The following RYR3 variants were observed in gnomAD, a reference collection of about 807,000 sequenced individuals.
RYR3 encodes brain ryanodine receptor-calcium release channel.
Under a neutral mutation model 584.3 loss-of-function variants are expected in RYR3, and 207 were observed. That is an observed-to-expected ratio of 0.35 (90% CI 0.32 to 0.40). RYR3 has a LOEUF of 0.40. RYR3 is among the 10% of genes least tolerant of loss of function. The pLI is 1.00. For missense variants in RYR3, 5,616 were observed against 6,089.2 expected (o/e 0.92, Z 2.59); for synonymous variants, 2,416 against 2,248.5 (o/e 1.07, Z -2.11).
chr15:33,540,569 CAT>C lies in RYR3; in HGVS notation c.547-221_547-220del, dbSNP rs1057133731. Among the ~76,000 whole-genome samples the C allele has an allele frequency of 1.2e-4, 19 of 152,290 alleles. No individual in the cohort carries two copies. In the East Asian group the frequency reaches 1.4e-3, roughly 11 times the overall value. On this transcript the variant is annotated intron_variant, in intron 6 of 103. Transcript: ENST00000634891. ...TCCAGCTGAGGGGATGAAGTCAACACATGTCTGCCATCTCTGTAGCTGAATAA... is the reference window on the plus strand; with the variant it reads ...TCCAGCTGAGGGGATGAAGTCAACACGTCTGCCATCTCTGTAGCTGAATAA...
intron 38 of RYR3, among the ~76,000 whole-genome samples, chr15:33,678,189 GAT>G (rs2064316864): frequency 6.6e-6 from 1 of 152,156 alleles, no homozygotes; most frequent in Non-Finnish European, 1.5e-5. Flanking sequence ...TATACTATTT[GAT>G]ATGGTTTGGC....
intron 48 of RYR3, 66 bp from the exon 49 acceptor site, chr15:33,736,169 C>A (rs2069442117): frequency 1.9e-6 from 2 of 1,061,462 alleles, no homozygotes; most frequent in African/African-American, 3.1e-5. Flanking sequence ...TTCAGTGTTT[C>A]TTTCATTCCT....
rs1443819178 is a variant in RYR3 at position 33,828,804 on chromosome 15, C to A, written c.11334+1517C>A. Among the ~76,000 whole-genome samples the A allele has an allele frequency of 3.3e-5, 5 of 152,172 alleles. No individual in the cohort carries two copies. The East Asian group carries it at 9.7e-4, about 29-fold the overall frequency. On this transcript the variant is annotated intron_variant, in intron 85 of 103. Transcript: ENST00000634891. ...AGATATAGAAGCTGCAGCAAGTTAC[C>A]CAGAAGATCTATCTAGGATAATTGA...
intron 47 of RYR3, among the ~76,000 whole-genome samples, chr15:33,731,215 A>G (rs1237972581): frequency 4.6e-5 from 7 of 151,758 alleles, no homozygotes; most frequent in African/African-American, 1.7e-4. Flanking sequence ...ATCATTTGGG[A>G]AGACTTAGAG....
intron 42 of RYR3, among the ~76,000 whole-genome samples, chr15:33,704,518 C>T (rs530528759): frequency 6.6e-6 from 1 of 152,178 alleles, no homozygotes; most frequent in South Asian, 2.1e-4. Flanking sequence ...TGAGAGCTTC[C>T]ATAAATGCTG....
At chr15:33,805,667 C>T (rs1054315428) in intron 69 of RYR3, among the ~76,000 whole-genome samples, 11 of 151,482 alleles carry the variant, frequency 7.3e-5, no homozygotes, top group South Asian at 2.1e-4. Flanking sequence ...TTAGTAGAGA[C>T]AGGGTTTCAC....
chr15:33,860,963 CA>C (rs919683179), intron 101 of RYR3, 114 bp from the exon 102 acceptor site: 27 of 838,944 alleles, frequency 3.2e-5, no homozygotes. Flanking sequence ...GACTAATAGC[CA>C]AAAGCATTAG....
chr15:33,644,409 C>T lies in RYR3; in HGVS notation c.3655C>T (p.Gln1219Ter). The change falls in exon 28 of 104, where the codon CAA becomes TAA. Residue 1219 changes from glutamine to a stop codon, truncating the protein, a stop_gained. Coordinates refer to ENST00000634891, the MANE Select transcript of RYR3 (RefSeq NM_001036.6). LOFTEE classifies it high-confidence loss of function. ...TFKFYTMCGL[Q>*]EGFEPFAVNM... ...CAAGTTTTATACCATGTGCGGTCTCCAAGAGGGCTTTGAGCCTTTTGCTGT... is the reference window on the plus strand; with the variant it reads ...CAAGTTTTATACCATGTGCGGTCTCTAAGAGGGCTTTGAGCCTTTTGCTGT... The T allele has an allele frequency of 2.5e-6, 4 of 1,613,800 alleles. No homozygotes were observed. Among genetic ancestry groups the T allele is most frequent in the Non-Finnish European group, 3.4e-6 (4 of 1,179,782 alleles).
chr15:33,506,193 C>T (rs576414990), intron 3 of RYR3, among the ~76,000 whole-genome samples: 17 of 152,166 alleles, frequency 1.1e-4, no homozygotes, highest in Admixed American at 4.6e-4. Context: ...AATGGAGGGA[C>T]GCACTTTAAT....
In RYR3 at chr15:33,602,277, C is replaced by T. The variant is rs183625541; in HGVS notation, c.1922+725C>T. 1.6e-3 allele frequency among the ~76,000 whole-genome samples: 243 copies of T among 152,294 alleles called. 1 individual carries two copies. Among genetic ancestry groups the T allele is most frequent in the Admixed American group, 5.0e-3 (77 of 15,290 alleles). On this transcript the variant is annotated intron_variant, in intron 17 of 103. Coordinates refer to ENST00000634891, the MANE Select transcript of RYR3 (RefSeq NM_001036.6). ...TGCCTACCCAAAATAGGGCATAGCT[C>T]CAGCCCAAGAACAGTTCGTCTCTAA...
At chr15:33,628,369 C>T in intron 20 of RYR3, 102 bp from the exon 21 acceptor site, 1 of 745,908 alleles carries the variant, frequency 1.3e-6, no homozygotes, top group Non-Finnish European at 2.3e-6. Flanking sequence ...ACTGCAGCTC[C>T]TCCTGGGTGA....
Position 33,550,306 on chromosome 15 carries a change from G to A in RYR3, c.962G>A (p.Arg321Gln), listed in dbSNP as rs780970109. ...ACCAAGTCCACAGCTTTCTCTTTCCGGGCATCAAAGGTAAGGTGTGATAAA... is the reference window on the plus strand; with the variant it reads ...ACCAAGTCCACAGCTTTCTCTTTCCAGGCATCAAAGGTAAGGTGTGATAAA... ...SDTKSTAFSF[R>Q]ASKELKEKLD... Residue 321 changes from arginine (R) to glutamine (Q), a missense_variant, in exon 10 of 104, where the codon CGG (arginine) becomes CAG (glutamine). Around this residue, in one of 9 missense-constraint regions of RYR3, gnomAD observed 1,284 missense variants for 1,344.6 expected, o/e 0.95. Coordinates refer to ENST00000634891, the MANE Select transcript of RYR3 (RefSeq NM_001036.6). 44 of 1,612,614 alleles carry A rather than the reference G, an allele frequency of 2.7e-5. No homozygotes were observed. Among genetic ancestry groups the A allele is most frequent in the Non-Finnish European group, 3.6e-5 (42 of 1,179,306 alleles).
intron 2 of RYR3, among the ~76,000 whole-genome samples, chr15:33,476,773 T>C (rs2082755): frequency 0.64 from 97,540 of 152,080 alleles, 32,363 homozygotes; most frequent in African/African-American, 0.83. Flanking sequence ...TGCATGAGTG[T>C]GCCCCTTTTA....
chr15:33,651,503 C>G (rs1428325629), intron 31 of RYR3, among the ~76,000 whole-genome samples: 2 of 152,204 alleles, frequency 1.3e-5, no homozygotes, highest in African/African-American at 4.8e-5. Context: ...TTAATGCATG[C>G]TTACAAAGGG....
At chr15:33,672,002 CA>C (rs1157952406) in intron 38 of RYR3, among the ~76,000 whole-genome samples, 4 of 151,634 alleles carry the variant, frequency 2.6e-5, no homozygotes, top group Admixed American at 1.3e-4. Context: ...TTAGTAGAGA[CA>C]GGGTTTCATC....
chr15:33,756,768 C>T (rs1196482511), intron 59 of RYR3, among the ~76,000 whole-genome samples: 1 of 152,074 alleles, frequency 6.6e-6, no homozygotes, highest in Non-Finnish European at 1.5e-5. Flanking sequence ...TGACCCCAGG[C>T]AGTATGTCTG....
At chr15:33,865,000 G>C in intron 103 of RYR3, 131 bp from the exon 104 acceptor site, 1 of 635,318 alleles carries the variant, frequency 1.6e-6, no homozygotes, top group East Asian at 2.7e-5. Flanking sequence ...GAGCAAGAAT[G>C]AATGTGCAGG....
At chr15:33,702,799 A>G (rs1263734773) in intron 42 of RYR3, among the ~76,000 whole-genome samples, 1 of 152,102 alleles carries the variant, frequency 6.6e-6, no homozygotes, top group Admixed American at 6.6e-5. Context: ...CGCTGAGGAA[A>G]AGGCACCAAC....
In RYR3 at chr15:33,708,881, C is replaced by T. The variant is rs112774467; in HGVS notation, c.6619+1827C>T. 9.9e-3 allele frequency among the ~76,000 whole-genome samples: 1,508 copies of T among 152,114 alleles called. 25 individuals carry two copies. The highest frequency in any genetic ancestry group is 0.034 in the African/African-American group (1,403 of 41,482). On this transcript the variant is annotated intron_variant, in intron 43 of 103. Coordinates refer to ENST00000634891, the MANE Select transcript of RYR3 (RefSeq NM_001036.6). ...GTTCCCCTATTGGCTAGGGTTAGAC[C>T]GCACAGGCTAAACTAATTCCCATTG...
Sources: gnomAD v4.1 joint callset for allele counts (sites outside exome capture counted in the v4.1 genomes callset) on GRCh38, gnomAD v4.1.1 for gene constraint, gnomAD v4.1.1 regional missense constraint, MANE v1.5 for transcripts, NCBI Gene and HGNC (gene_info 2026-07-23, HGNC 2026-07-21) for gene names.